TRPM3: variants seen among roughly 807,000 people sequenced by gnomAD.
The protein encoded by TRPM3 is transient receptor potential cation channel subfamily M member 3.
A neutral mutation model predicts 181.2 loss-of-function variants in TRPM3; 77 were observed. That is an observed-to-expected ratio of 0.42 (90% CI 0.35 to 0.51). TRPM3 has a LOEUF of 0.51. Among genes scored for constraint, TRPM3 ranks in the 20% least tolerant of loss-of-function variants. TRPM3 has a pLI of 0.01. For missense variants in TRPM3, 1,759 were observed against 2,196.7 expected (o/e 0.80, Z 3.98); for synonymous variants, 745 against 796.4 (o/e 0.94, Z 1.09).
At chr9:71,166,275 A>T (rs2076537841) in intron 1 of TRPM3, among the ~76,000 whole-genome samples, 1 of 152,112 alleles carries the variant, frequency 6.6e-6, no homozygotes, top group African/African-American at 2.4e-5. Context: ...CCCCAAATAT[A>T]AAGCAGCTAC....
intron 1 of TRPM3, among the ~76,000 whole-genome samples, chr9:70,945,630 A>C (rs1490775455): frequency 6.6e-6 from 1 of 152,196 alleles, no homozygotes; most frequent in Non-Finnish European, 1.5e-5. Flanking sequence ...CCAACATGAG[A>C]TTCCCTTCTT....
chr9:70,548,569 A>G (rs1266598380), intron 25 of TRPM3, among the ~76,000 whole-genome samples: 1 of 152,216 alleles, frequency 6.6e-6, no homozygotes, highest in African/African-American at 2.4e-5. Flanking sequence ...CATTCTGACT[A>G]AAGTCGTCAA....
chr9:71,389,905 A>G (rs920581483), intron 1 of TRPM3, among the ~76,000 whole-genome samples: 1 of 152,050 alleles, frequency 6.6e-6, no homozygotes, highest in Non-Finnish European at 1.5e-5. Context: ...CTTAAAAATC[A>G]CCACTAAAAA....
chr9:71,226,699 A>G (rs1327254360), intron 1 of TRPM3, among the ~76,000 whole-genome samples: 1 of 152,116 alleles, frequency 6.6e-6, no homozygotes, highest in Non-Finnish European at 1.5e-5. Flanking sequence ...TACACATTAT[A>G]TATATGCATC....
intron 1 of TRPM3, among the ~76,000 whole-genome samples, chr9:71,094,776 G>A (rs1362866382): frequency 1.3e-5 from 2 of 152,116 alleles, no homozygotes; most frequent in African/African-American, 4.8e-5. Flanking sequence ...ATTATTATAA[G>A]GGTAGGTACT....
intron 22 of TRPM3, among the ~76,000 whole-genome samples, chr9:70,559,895 G>A (rs900599206): frequency 6.6e-6 from 1 of 152,134 alleles, no homozygotes; most frequent in African/African-American, 2.4e-5. Flanking sequence ...CATCCTGAGA[G>A]GGCTGTGGAA....
intron 1 of TRPM3, among the ~76,000 whole-genome samples, chr9:71,181,610 A>T (rs913714480): frequency 1.3e-5 from 2 of 152,150 alleles, no homozygotes; most frequent in African/African-American, 4.8e-5. Flanking sequence ...TTTAATCCTT[A>T]CTATGAGGTA....
chr9:70,544,177 A>T (rs1488851440), intron 25 of TRPM3, among the ~76,000 whole-genome samples: 1 of 152,186 alleles, frequency 6.6e-6, no homozygotes, highest in Non-Finnish European at 1.5e-5. Flanking sequence ...AATGCCAGAA[A>T]ATTGGAGATA....
intron 8 of TRPM3, among the ~76,000 whole-genome samples, chr9:70,754,500 G>A (rs145404256): frequency 6.6e-6 from 1 of 152,264 alleles, no homozygotes; most frequent in Non-Finnish European, 1.5e-5. Flanking sequence ...TATGAAATGA[G>A]CAGAAAGTAC....
intron 17 of TRPM3, among the ~76,000 whole-genome samples, chr9:70,618,248 C>G (rs1162647778): frequency 6.6e-6 from 1 of 152,224 alleles, no homozygotes; most frequent in Non-Finnish European, 1.5e-5. Context: ...GGACAATTTA[C>G]TATGTGTCCT....
intron 1 of TRPM3, among the ~76,000 whole-genome samples, chr9:70,889,355 A>C (rs974274587): frequency 4.6e-5 from 7 of 152,226 alleles, no homozygotes; most frequent in African/African-American, 1.7e-4. Context: ...TGAAAGTATG[A>C]GGCACCAGGA....
At chr9:70,756,844 G>A (rs187159636) in intron 8 of TRPM3, among the ~76,000 whole-genome samples, 18 of 152,306 alleles carry the variant, frequency 1.2e-4, no homozygotes, top group African/African-American at 3.8e-4. Context: ...GCAGTGTTTA[G>A]AGGTAAATAT....
At chr9:71,032,044 ATATATT>A (rs2057481204) in intron 1 of TRPM3, among the ~76,000 whole-genome samples, 1 of 3,052 alleles carries the variant, frequency 3.3e-4, no homozygotes, top group Non-Finnish European at 4.8e-4. Flanking sequence ...ATATATATAT[ATATATT>A]ATATATATTA....
chr9:70,535,526 G>A lies in TRPM3; in HGVS notation c.*427C>T, dbSNP rs977023199. 55 of 1,547,374 alleles carry A rather than the reference G, an allele frequency of 3.6e-5. No individual in the cohort carries two copies. The highest frequency in any genetic ancestry group is 4.4e-5 in the Non-Finnish European group (50 of 1,146,420). On this transcript the variant is annotated 3_prime_UTR_variant, in exon 26 of 26. Coordinates refer to ENST00000677713, the MANE Select transcript of TRPM3 (RefSeq NM_001366145.2). ...AAGTTTAGAATATCTCATTGTGTACGCTGGCTATTTTATTTTATTTTGCAA... is the reference window on the plus strand; with the variant it reads ...AAGTTTAGAATATCTCATTGTGTACACTGGCTATTTTATTTTATTTTGCAA...
At chr9:71,034,512 G>A (rs1003540964) in intron 1 of TRPM3, among the ~76,000 whole-genome samples, 1 of 152,014 alleles carries the variant, frequency 6.6e-6, no homozygotes, top group Admixed American at 6.6e-5. Context: ...AGATGTTAGA[G>A]GCATCCCATA....
At chr9:71,180,050 CTTTTT>C (rs35877663) in intron 1 of TRPM3, among the ~76,000 whole-genome samples, 53 of 101,184 alleles carry the variant, frequency 5.2e-4, no homozygotes, top group African/African-American at 1.9e-3. Context: ...ATACATCCTT[CTTTTT>C]TTTTTTTTTT....
chr9:70,614,303 T>C (rs1044101903), intron 18 of TRPM3, among the ~76,000 whole-genome samples: 12 of 128,718 alleles, frequency 9.3e-5, no homozygotes, highest in Non-Finnish European at 1.8e-4. Context: ...AAGATTAGCC[T>C]GGGCAATCTC....
At chr9:71,218,022 AT>A (rs2080003452) in intron 1 of TRPM3, among the ~76,000 whole-genome samples, 1 of 152,130 alleles carries the variant, frequency 6.6e-6, no homozygotes, top group Admixed American at 6.5e-5. Context: ...TCCATAAATA[AT>A]TTTTTCCAAT....
intron 22 of TRPM3, among the ~76,000 whole-genome samples, chr9:70,590,524 A>T (rs1337964758): frequency 6.6e-6 from 1 of 151,728 alleles, no homozygotes; most frequent in Non-Finnish European, 1.5e-5. Flanking sequence ...GACAGTGGGA[A>T]AGGGAGTTGG....
Sources: allele counts gnomAD v4.1 joint callset (sites outside exome capture counted in the v4.1 genomes callset), GRCh38; gene constraint gnomAD v4.1.1; transcripts MANE v1.5; gene names NCBI Gene and HGNC (gene_info 2026-07-23, HGNC 2026-07-21).